The following ROBO2 variants were observed in gnomAD, a reference collection of about 807,000 sequenced individuals.
The protein encoded by ROBO2 is roundabout homolog 2.
In ROBO2, 53 loss-of-function variants were observed where a neutral mutation model predicts 160.8. The ratio of observed to expected loss-of-function variants is 0.33; its 90% CI spans 0.26 to 0.41. The LOEUF is 0.41. Ranked by LOEUF, ROBO2 falls within the 10% of genes least tolerant of loss-of-function variation. The pLI is 1.00. For missense variants in ROBO2, 1,577 were observed against 1,722.4 expected (o/e 0.92, Z 1.49); for synonymous variants, 664 against 611.7 (o/e 1.09, Z -1.26).
intron 2 of ROBO2, among the ~76,000 whole-genome samples, chr3:76,591,271 G>A (rs976583832): frequency 3.3e-5 from 5 of 152,160 alleles, no homozygotes; most frequent in Non-Finnish European, 5.9e-5. Flanking sequence ...AAGGGGAAGC[G>A]GATCCTCATA....
chr3:76,630,614 G>A (rs889067679), intron 2 of ROBO2, among the ~76,000 whole-genome samples: 12 of 150,176 alleles, frequency 8.0e-5, no homozygotes, highest in African/African-American at 2.9e-4. Flanking sequence ...TATGGATGAT[G>A]TTAGGTGAAA....
intron 2 of ROBO2, among the ~76,000 whole-genome samples, chr3:76,703,291 C>T (rs1040353560): frequency 5.3e-5 from 8 of 152,100 alleles, no homozygotes; most frequent in African/African-American, 1.9e-4. Flanking sequence ...CTTACACTCT[C>T]TATTGTAAAT....
intron 2 of ROBO2, among the ~76,000 whole-genome samples, chr3:77,203,725 G>C (rs1422702048): frequency 6.6e-6 from 1 of 152,200 alleles, no homozygotes; most frequent in South Asian, 2.1e-4. Context: ...TGATTGTGTT[G>C]ATAGTGGCGG....
intron 2 of ROBO2, among the ~76,000 whole-genome samples, chr3:77,129,551 G>T (rs2075658992): frequency 6.6e-6 from 1 of 152,212 alleles, no homozygotes; most frequent in African/African-American, 2.4e-5. Context: ...TTGAAGAAGT[G>T]ATAGTCGGTT....
intron 2 of ROBO2, among the ~76,000 whole-genome samples, chr3:76,163,668 A>G (rs188354523): frequency 9.9e-5 from 15 of 152,180 alleles, no homozygotes; most frequent in African/African-American, 3.4e-4. Flanking sequence ...GTTTTTTTCA[A>G]TGCATATCAA....
intron 2 of ROBO2, among the ~76,000 whole-genome samples, chr3:76,228,715 C>A (rs763383765): frequency 6.6e-6 from 1 of 152,106 alleles, no homozygotes; most frequent in Non-Finnish European, 1.5e-5. Flanking sequence ...TCAAACCAAA[C>A]CAGTTTACTG....
rs758095299 is a variant in ROBO2 at position 77,588,738 on chromosome 3, G to A, written c.2501-13G>A. On this transcript the variant is annotated splice_polypyrimidine_tract_variant and intron_variant, in intron 16 of 25. Transcript: ENST00000461745. The stretch of plus-strand genomic sequence containing the variant: ...CGTTTTAATATATACTAATACTATG[G>A]TTTTTTCCATAGGGAGACGCAATGA... The A allele has an allele frequency of 6.8e-6, 11 of 1,611,768 alleles. No homozygotes were observed. Among genetic ancestry groups the A allele is most frequent in the Non-Finnish European group, 9.3e-6 (11 of 1,178,586 alleles).
intron 2 of ROBO2, among the ~76,000 whole-genome samples, chr3:76,603,345 AAAAAAAATAT>A (rs1453494122): frequency 9.6e-5 from 6 of 62,360 alleles, no homozygotes; most frequent in Admixed American, 4.2e-4. Context: ...AAAAAAAAAA[AAAAAAAATAT>A]ATATATATAT....
chr3:77,459,839 G>C (rs1159097356), intron 2 of ROBO2, among the ~76,000 whole-genome samples: 1 of 151,700 alleles, frequency 6.6e-6, no homozygotes, highest in East Asian at 1.9e-4. Context: ...GGGAAGGAAG[G>C]GAGCAGAAGG....
Position 76,114,923 on chromosome 3 carries a change from TGA to T in ROBO2, c.109+177324_109+177325del, listed in dbSNP as rs145755052. ...CAAATTGTCTTGGGCACTCAGAAGG[TGA>T]GATTGCTCTTGAATGGGCATTTCTT... On this transcript the variant is annotated intron_variant, in intron 2 of 26. Coordinates refer to the ROBO2 transcript ENST00000487694. Among the ~76,000 whole-genome samples, 817 of 152,206 alleles carry T rather than the reference TGA, an allele frequency of 5.4e-3. 5 individuals are homozygous for T. The highest frequency in any genetic ancestry group is 0.019 in the African/African-American group (782 of 41,550).
intron 5 of ROBO2, among the ~76,000 whole-genome samples, chr3:77,507,306 A>G (rs1027993319): frequency 4.6e-5 from 7 of 152,208 alleles, no homozygotes; most frequent in Non-Finnish European, 1.0e-4. Context: ...CCCTCTGATA[A>G]TGTAGTCACT....
intron 8 of ROBO2, among the ~76,000 whole-genome samples, chr3:77,557,285 A>T (rs2093157536): frequency 6.6e-6 from 1 of 152,016 alleles, no homozygotes; most frequent in African/African-American, 2.4e-5. Flanking sequence ...TGATAAATAT[A>T]ATCTAGATGA....
At chr3:76,472,798 G>C (rs1439886614) in intron 2 of ROBO2, among the ~76,000 whole-genome samples, 1 of 152,174 alleles carries the variant, frequency 6.6e-6, no homozygotes, top group African/African-American at 2.4e-5. Flanking sequence ...GCAAAATAGA[G>C]CTGGGCTACC....
chr3:77,228,118 T>C (rs2086709513), intron 2 of ROBO2, among the ~76,000 whole-genome samples: 1 of 152,190 alleles, frequency 6.6e-6, no homozygotes, highest in South Asian at 2.1e-4. Context: ...GCAGTATTTT[T>C]CTGTATTATA....
chr3:77,070,287 C>T (rs978886237), intron 1 of ROBO2, among the ~76,000 whole-genome samples: 2 of 152,130 alleles, frequency 1.3e-5, no homozygotes, highest in Non-Finnish European at 2.9e-5. Context: ...TTGATTACAA[C>T]AACCCTAGGA....
At chr3:77,036,525 C>A (rs564057040), upstream of ROBO2, among the ~76,000 whole-genome samples, 1 of 151,916 alleles carries the variant, frequency 6.6e-6, no homozygotes, top group Non-Finnish European at 1.5e-5. Flanking sequence ...GCTGGAATAC[C>A]AACTCAGAAA....
chr3:77,057,012 C>T (rs180983328), intron 1 of ROBO2, among the ~76,000 whole-genome samples: 82 of 152,188 alleles, frequency 5.4e-4, no homozygotes, highest in African/African-American at 1.7e-3. Flanking sequence ...CACATGCACA[C>T]GTATGTTTAT....
chr3:77,021,352 C>G (rs781694685), intron 2 of ROBO2, among the ~76,000 whole-genome samples: 1 of 152,120 alleles, frequency 6.6e-6, no homozygotes, highest in Non-Finnish European at 1.5e-5. Flanking sequence ...TCTTTCATTT[C>G]CAAGGCAAGA....
intron 2 of ROBO2, among the ~76,000 whole-genome samples, chr3:77,346,762 A>G (rs111592242): frequency 0.013 from 1,956 of 152,226 alleles, 23 homozygotes; most frequent in Middle Eastern, 0.017. Context: ...GGCTGCCTGC[A>G]TTCCTCATCG....
Sources: gnomAD v4.1 joint callset for allele counts (sites outside exome capture counted in the v4.1 genomes callset) on GRCh38, gnomAD v4.1.1 for gene constraint, MANE v1.5 for transcripts, NCBI Gene and HGNC (gene_info 2026-07-23, HGNC 2026-07-21) for gene names.